Variants in NOSTRIN observed in about 807,000 individuals in gnomAD.
NOSTRIN encodes BM247 homolog.
Under a neutral mutation model 59.0 loss-of-function variants are expected in NOSTRIN, and 63 were observed. The observed-to-expected ratio is 1.07, with a 90% CI of 0.87 to 1.32. The LOEUF (loss-of-function observed/expected upper bound fraction) is 1.32, where lower values mean the gene tolerates loss of function less well. Ranked by LOEUF, NOSTRIN falls within the 40% of genes most tolerant of loss-of-function variation. The probability of loss-of-function intolerance (pLI) is 0.00; values close to 1 mark genes in which losing one functional copy is unlikely to be tolerated. For synonymous variants in NOSTRIN, 200 were observed against 165.4 expected (o/e 1.21, Z -1.61); for missense variants, 512 against 473.1 (o/e 1.08, Z -0.76).
intron 14 of NOSTRIN, 122 bp downstream of exon 14, chr2:168,861,031 T>A (rs2632372): frequency 4.7e-6 from 3 of 633,934 alleles, no homozygotes; most frequent in South Asian, 2.1e-5. Context: ...ATATTTCCAT[T>A]GGGACCGATT....
chr2:168,813,023 A>G (rs922351712), intron 2 of NOSTRIN, among the ~76,000 whole-genome samples: 2 of 152,222 alleles, frequency 1.3e-5, no homozygotes, highest in African/African-American at 4.8e-5. Context: ...AACATTTTAA[A>G]TATGAAGTAA....
At chr2:168,836,565 T>C (rs1687733928) in intron 7 of NOSTRIN, among the ~76,000 whole-genome samples, 1 of 152,210 alleles carries the variant, frequency 6.6e-6, no homozygotes, top group Non-Finnish European at 1.5e-5. Context: ...TCTGTGCTGC[T>C]CAGCAAATTC....
At chr2:168,837,784 C>T (rs62175723) in intron 7 of NOSTRIN, among the ~76,000 whole-genome samples, 6,223 of 152,252 alleles carry the variant, frequency 0.041, 173 homozygotes, top group Middle Eastern at 0.11. Context: ...CAAGTCTTAC[C>T]TTAGTTAACT....
At chr2:168,797,241 C>T (rs1477082316), upstream of NOSTRIN, among the ~76,000 whole-genome samples, 1 of 151,778 alleles carries the variant, frequency 6.6e-6, no homozygotes, top group Non-Finnish European at 1.5e-5. Context: ...AGGTACGTAC[C>T]ACCATGCCTG....
At chr2:168,855,496 A>G (rs1391482159) in intron 11 of NOSTRIN, 36 bp downstream of exon 11, 2 of 1,157,706 alleles carry the variant, frequency 1.7e-6, no homozygotes, top group African/African-American at 1.5e-5. Flanking sequence ...CAGAAAAGGG[A>G]CCATATGATG....
chr2:168,817,049 AC>A (rs1201104798), intron 2 of NOSTRIN, among the ~76,000 whole-genome samples: 1 of 152,224 alleles, frequency 6.6e-6, no homozygotes, highest in Non-Finnish European at 1.5e-5. Context: ...CAACCCATAG[AC>A]CAGCCACTGT....
upstream of NOSTRIN, among the ~76,000 whole-genome samples, chr2:168,795,178 A>G (rs1685448631): frequency 6.6e-6 from 1 of 150,748 alleles, no homozygotes. Flanking sequence ...AATAAATCCC[A>G]CTGTTGGCAC....
intron 7 of NOSTRIN, among the ~76,000 whole-genome samples, chr2:168,840,251 C>T (rs1687994373): frequency 6.6e-6 from 1 of 152,088 alleles, no homozygotes. Flanking sequence ...GATATGTCAG[C>T]TGGGCGCGGT....
chr2:168,858,407 G>A (rs1689245681), intron 12 of NOSTRIN, among the ~76,000 whole-genome samples: 1 of 152,228 alleles, frequency 6.6e-6, no homozygotes, highest in Non-Finnish European at 1.5e-5. Context: ...TTTCTAGGAT[G>A]AGGAAACTTT....
intron 7 of NOSTRIN, among the ~76,000 whole-genome samples, chr2:168,838,128 C>G (rs1687850966): frequency 6.6e-6 from 1 of 152,208 alleles, no homozygotes; most frequent in African/African-American, 2.4e-5. Context: ...ATTTATATCT[C>G]CAGTCCAAAC....
chr2:168,792,261 T>C (rs1685377118), intron 2 of NOSTRIN, among the ~76,000 whole-genome samples: 1 of 152,158 alleles, frequency 6.6e-6, no homozygotes, highest in Admixed American at 6.5e-5. Context: ...TCTATGACTT[T>C]CAAGAGTCAT....
In NOSTRIN at chr2:168,834,277, G is replaced by A; in HGVS notation, c.456G>A (p.Gln152=). 1 of 872,908 alleles carries A rather than the reference G, an allele frequency of 1.1e-6. No individual in the cohort carries two copies. Among genetic ancestry groups the A allele is most frequent in the South Asian group, 1.3e-5 (1 of 76,536 alleles). 54.1% of individuals were successfully genotyped at this position (872,908 alleles called of 1,614,324 possible). A position where few individuals can be genotyped will look rare whatever the true frequency, so the allele number is the denominator to read the frequency against. ...CCAAGAAACATGAAGCACTTTTCCA[G>A]CTTGTAGAAAGCTCCAAGCAATCTA... ...VSTKKHEALF[Q]LVESSKQSMT... Residue 152 remains glutamine (Q), a synonymous_variant, in exon 7 of 16, where the codon CAG becomes CAA. Transcript: ENST00000317647.
upstream of NOSTRIN, among the ~76,000 whole-genome samples, chr2:168,797,233 G>T (rs760308065): frequency 1.3e-5 from 2 of 151,762 alleles, no homozygotes; most frequent in African/African-American, 2.4e-5. Context: ...GGGACTACAG[G>T]TACGTACCAC....
chr2:168,851,490 A>T (rs1443677498), intron 10 of NOSTRIN, 86 bp downstream of exon 10: 10 of 1,498,406 alleles, frequency 6.7e-6, no homozygotes, highest in Non-Finnish European at 8.9e-6. Flanking sequence ...GAAAGCAAAT[A>T]TCATGTTTTA....
Position 168,843,113 on chromosome 2 carries a change from A to ATATATAG in NOSTRIN, c.626_627insTATATAG (p.Gln210IlefsTer2), listed in dbSNP as rs772925643. The ATATATAG allele has an allele frequency of 1.2e-5, 10 of 869,552 alleles. No homozygotes were observed. Among genetic ancestry groups the ATATATAG allele is most frequent in the Admixed American group, 1.7e-5 (1 of 58,192 alleles). The allele number at this position is 869,552 out of a possible 1,614,324, so 53.9% of individuals were successfully genotyped here. ...TGGGAAAACACACTAGAGAACTGCT[A>ATATATAG]CCAGGTAAGTTATATATTCACATTT... On this transcript the variant is annotated stop_gained and frameshift_variant, in exon 8 of 16. Coordinates refer to ENST00000317647, the MANE Select transcript of NOSTRIN (RefSeq NM_001039724.4). LOFTEE classifies it high-confidence loss of function.
At position 168,811,666 on chromosome 2, in the gene NOSTRIN, G is replaced by C; in HGVS notation, c.113+14G>C. On this transcript the variant is annotated intron_variant, in intron 2 of 15. Transcript: ENST00000317647. ...TCTTCAGCAAAGGTACAAAATGCAC[G>C]TTTGCAATAAATGGTTCTTCCTCTT... is the stretch of plus-strand genomic sequence containing the variant. 1 of 835,304 alleles carries C rather than the reference G, an allele frequency of 1.2e-6. No homozygotes were observed. Among genetic ancestry groups the C allele is most frequent in the Non-Finnish European group, 2.1e-6 (1 of 486,892 alleles). 51.7% of individuals were successfully genotyped at this position (835,304 alleles called of 1,614,324 possible).
At chr2:168,845,104 T>A (rs1048569656) in intron 8 of NOSTRIN, among the ~76,000 whole-genome samples, 1 of 152,040 alleles carries the variant, frequency 6.6e-6, no homozygotes, top group Non-Finnish European at 1.5e-5. Flanking sequence ...AATTCCTTAA[T>A]TTACACCTTT....
At position 168,861,966 on chromosome 2, in the gene NOSTRIN, G is replaced by T; in HGVS notation, c.1301G>T (p.Gly434Val). ...SNPGSSTPAP[G>V]AAQLSSRLCK... ...ACAGCTTTATCTATTTCAGCCCCTG[G>T]TGCAGCCCAGCTCAGCAGCAGACTT... The change falls in exon 15 of 16, where the codon GGT (glycine) becomes GTT (valine). Residue 434 changes from glycine to valine, a missense_variant. Coordinates refer to ENST00000317647, the MANE Select transcript of NOSTRIN (RefSeq NM_001039724.4). 3.1e-6 allele frequency: 5 copies of T among 1,614,114 alleles called. No individual in the cohort carries two copies. Among genetic ancestry groups the T allele is most frequent in the Non-Finnish European group, 4.2e-6 (5 of 1,179,968 alleles).
At chr2:168,851,223 A>G (rs754754333) in intron 9 of NOSTRIN, 41 bp downstream of exon 9, 1 of 1,614,086 alleles carries the variant, frequency 6.2e-7, no homozygotes, top group South Asian at 1.1e-5. Flanking sequence ...ATGCCTGGTA[A>G]GAAGGGGCAG....
Sources: allele counts gnomAD v4.1 joint callset (sites outside exome capture counted in the v4.1 genomes callset), GRCh38; gene constraint gnomAD v4.1.1; transcripts MANE v1.5; gene names NCBI Gene and HGNC (gene_info 2026-07-23, HGNC 2026-07-21).